Variants in GFOD1 observed in about 807,000 individuals in gnomAD.
GFOD1 encodes glucose-fructose oxidoreductase domain-containing protein 1.
Under a neutral mutation model 25.4 loss-of-function variants are expected in GFOD1, and 9 were observed. The ratio of observed to expected loss-of-function variants is 0.35; its 90% CI spans 0.21 to 0.62. The LOEUF (loss-of-function observed/expected upper bound fraction) is 0.62. Ranked by LOEUF, GFOD1 falls within the 20% of genes least tolerant of loss-of-function variation. The probability of loss-of-function intolerance (pLI) is 0.72; values close to 1 mark genes in which losing one functional copy is unlikely to be tolerated. For missense variants in GFOD1, 403 were observed against 556.9 expected (o/e 0.72, Z 2.78); for synonymous variants, 253 against 245.6 (o/e 1.03, Z -0.28).
At chr6:13,446,221 C>T (rs1193050147) in intron 1 of GFOD1, among the ~76,000 whole-genome samples, 2 of 152,056 alleles carry the variant, frequency 1.3e-5, no homozygotes, top group Non-Finnish European at 2.9e-5. Context: ...TTTGAAATAG[C>T]CACATCATTA....
intron 1 of GFOD1, among the ~76,000 whole-genome samples, chr6:13,418,908 T>C (rs1420037128): frequency 6.6e-6 from 1 of 152,124 alleles, no homozygotes; most frequent in African/African-American, 2.4e-5. Flanking sequence ...ATATAATCAA[T>C]AATGCAAAGC....
chr6:13,471,936 G>A (rs1412462238), intron 1 of GFOD1: 2 of 153,500 alleles, frequency 1.3e-5, no homozygotes, highest in Non-Finnish European at 2.9e-5. Flanking sequence ...TGCTGATAAA[G>A]ACATACCCAA....
intron 1 of GFOD1, among the ~76,000 whole-genome samples, chr6:13,426,553 G>A (rs541772042): frequency 1.2e-4 from 18 of 152,226 alleles, no homozygotes; most frequent in African/African-American, 3.9e-4. Context: ...TCCCTTAAAC[G>A]CCCGGGAAGC....
chr6:13,418,974 A>T (rs1331447827), intron 1 of GFOD1, among the ~76,000 whole-genome samples: 3 of 152,222 alleles, frequency 2.0e-5, no homozygotes, highest in African/African-American at 7.2e-5. Context: ...GCATCCTGCC[A>T]ATTGTCCGGT....
At chr6:13,420,066 T>C (rs73366933) in intron 1 of GFOD1, among the ~76,000 whole-genome samples, 9,472 of 152,268 alleles carry the variant, frequency 0.062, 370 homozygotes, top group Middle Eastern at 0.12. Flanking sequence ...TGTCTCCCTC[T>C]GGTGTCTGAG....
At position 13,469,853 on chromosome 6, in the gene GFOD1, A is replaced by T. The variant is rs1044330667; in HGVS notation, c.253+16785T>A. On this transcript the variant is annotated intron_variant, in intron 1 of 1. Coordinates refer to ENST00000379287, the MANE Select transcript of GFOD1 (RefSeq NM_018988.4). Reference sequence around the variant, plus strand: ...CATTGGAGGTTGGCCATGAGACGTAAATGAGTAACACTCGTACTATGTCTC... The same window carrying T: ...CATTGGAGGTTGGCCATGAGACGTATATGAGTAACACTCGTACTATGTCTC... 5 of 1,182,560 alleles carry T rather than the reference A, an allele frequency of 4.2e-6. No individual in the cohort carries two copies. The African/African-American group carries it at 6.3e-5, about 15-fold the overall frequency. 73.3% of individuals were successfully genotyped at this position (1,182,560 alleles called of 1,614,324 possible).
intron 1 of GFOD1, among the ~76,000 whole-genome samples, chr6:13,424,177 T>A (rs77221060): frequency 0.01 from 1,527 of 152,286 alleles, 11 homozygotes; most frequent in Non-Finnish European, 0.016. Flanking sequence ...ACCCTTTTTT[T>A]AAAATAATTA....
intron 1 of GFOD1, among the ~76,000 whole-genome samples, chr6:13,441,743 A>G (rs1757919532): frequency 6.6e-6 from 1 of 152,246 alleles, no homozygotes; most frequent in Admixed American, 6.5e-5. Context: ...AAATATCACC[A>G]AACTTCTAAA....
At chr6:13,386,477 A>G (rs762046499) in intron 1 of GFOD1, among the ~76,000 whole-genome samples, 31 of 152,240 alleles carry the variant, frequency 2.0e-4, no homozygotes, top group Admixed American at 3.9e-4. Flanking sequence ...AGCCAGCGTC[A>G]GCAGAAGTGC....
intron 1 of GFOD1, among the ~76,000 whole-genome samples, chr6:13,435,096 G>T (rs934910659): frequency 1.3e-5 from 2 of 152,206 alleles, no homozygotes; most frequent in East Asian, 3.9e-4. Flanking sequence ...CCTTACAGAA[G>T]GGGGTTTGGG....
chr6:13,482,968 C>CAT (rs1207608714), intron 1 of GFOD1, among the ~76,000 whole-genome samples: 1 of 150,332 alleles, frequency 6.7e-6, no homozygotes, highest in Non-Finnish European at 1.5e-5. Flanking sequence ...GTTATATATA[C>CAT]ATATATATAT....
At chr6:13,481,713 T>C (rs1758756230) in intron 1 of GFOD1, among the ~76,000 whole-genome samples, 1 of 152,262 alleles carries the variant, frequency 6.6e-6, no homozygotes. Flanking sequence ...CTTTGCCTTG[T>C]CTGCGTCCTG....
chr6:13,413,114 C>CTCCAGTGGT (rs2127566549), intron 1 of GFOD1, among the ~76,000 whole-genome samples: 1 of 152,366 alleles, frequency 6.6e-6, no homozygotes, highest in African/African-American at 2.4e-5. Flanking sequence ...AGTGCCTGCA[C>CTCCAGTGGT]CCTAGACTGA....
In GFOD1 at chr6:13,365,053, G is replaced by C. The variant is rs145232878; in HGVS notation, c.863C>G (p.Ser288Cys). 14 of 1,610,998 alleles carry C rather than the reference G, an allele frequency of 8.7e-6. No homozygotes were observed. The highest frequency in any genetic ancestry group is 1.2e-5 in the Non-Finnish European group (14 of 1,179,896). Reference protein sequence around the residue: ...LVQDATPVSNSLLPEKAFSDI... With the variant: ...LVQDATPVSNCLLPEKAFSDI... ...GCTGAAGGCCTTCTCCGGAAGCAGGGAGTTGCTCACCGGCGTGGCGTCCTG... is the reference window on the plus strand; with the variant it reads ...GCTGAAGGCCTTCTCCGGAAGCAGGCAGTTGCTCACCGGCGTGGCGTCCTG... Residue 288 changes from serine (S) to cysteine (C), a missense_variant, in exon 2 of 2, where the codon TCC becomes TGC. Transcript: ENST00000379287. The surrounding 1 kb of genome is among the most constrained non-coding windows in gnomAD (Gnocchi z 9.2).
chr6:13,454,507 C>A (rs1397737937), intron 1 of GFOD1, among the ~76,000 whole-genome samples: 1 of 152,074 alleles, frequency 6.6e-6, no homozygotes, highest in Non-Finnish European at 1.5e-5. Flanking sequence ...CTGGCATGCC[C>A]CCAAGTCCTA....
chr6:13,419,304 C>CT (rs1786214696), intron 1 of GFOD1, among the ~76,000 whole-genome samples: 1 of 152,196 alleles, frequency 6.6e-6, no homozygotes, highest in Non-Finnish European at 1.5e-5. Flanking sequence ...CTACTCTTCC[C>CT]TGGGGGAAGG....
At chr6:13,413,421 T>C (rs1786112034) in intron 1 of GFOD1, among the ~76,000 whole-genome samples, 1 of 152,166 alleles carries the variant, frequency 6.6e-6, no homozygotes, top group African/African-American at 2.4e-5. Context: ...TGAGCACACA[T>C]GCCTCATCAA....
intron 1 of GFOD1, among the ~76,000 whole-genome samples, chr6:13,404,068 C>T (rs1362219739): frequency 6.6e-6 from 1 of 152,130 alleles, no homozygotes; most frequent in South Asian, 2.1e-4. Context: ...AAAAAGTAAA[C>T]AACGATAGTT....
chr6:13,439,591 C>T (rs1464401621), intron 1 of GFOD1, among the ~76,000 whole-genome samples: 3 of 152,192 alleles, frequency 2.0e-5, no homozygotes, highest in Admixed American at 6.5e-5. Flanking sequence ...GTTCAAGAAG[C>T]TGAGCTGGGG....
Sources: gnomAD v4.1 joint callset for allele counts (sites outside exome capture counted in the v4.1 genomes callset) on GRCh38, gnomAD v4.1.1 for gene constraint, Gnocchi (gnomAD v3.1) non-coding constraint, MANE v1.5 for transcripts, NCBI Gene and HGNC (gene_info 2026-07-23, HGNC 2026-07-21) for gene names.